The following CNTN5 variants were observed in gnomAD, a reference collection of about 807,000 sequenced individuals.
CNTN5 encodes the protein contactin 5, also known as contactin-5.
Under a neutral mutation model 129.1 loss-of-function variants are expected in CNTN5, and 77 were observed. The observed-to-expected ratio is 0.60, with a 90% CI of 0.50 to 0.72. The LOEUF is 0.72. Ranked by LOEUF, CNTN5 falls within the 30% of genes least tolerant of loss-of-function variation. CNTN5 has a pLI of 0.00. For missense variants in CNTN5, 1,478 were observed against 1,328.8 expected, an observed-to-expected ratio of 1.11 and a Z score of -1.75; for synonymous variants, 509 against 465.6, an observed-to-expected ratio of 1.09 and a Z score of -1.20.
intron 17 of CNTN5, among the ~76,000 whole-genome samples, chr11:100,270,698 A>T (rs1950392517): frequency 2.6e-5 from 4 of 152,212 alleles, no homozygotes. Context: ...TTACCAAGTG[A>T]CTAAACATGT....
chr11:100,215,642 GA>G (rs1195960547), intron 15 of CNTN5, among the ~76,000 whole-genome samples: 6 of 152,030 alleles, frequency 3.9e-5, no homozygotes, highest in African/African-American at 9.7e-5. Context: ...CACTATAATG[GA>G]AACAGGAAAG....
intron 2 of CNTN5, among the ~76,000 whole-genome samples, chr11:99,471,139 G>C (rs1003528267): frequency 8.5e-4 from 102 of 119,518 alleles, no homozygotes; most frequent in African/African-American, 3.3e-3. Flanking sequence ...TATATTTAAA[G>C]TAATGTTGCT....
intron 1 of CNTN5, among the ~76,000 whole-genome samples, chr11:99,152,719 T>C (rs1398331349): frequency 6.6e-6 from 1 of 152,208 alleles, no homozygotes; most frequent in African/African-American, 2.4e-5. Context: ...CAGACTTCAT[T>C]GTGTGGTTGC....
At chr11:99,734,368 C>G (rs945144142) in intron 3 of CNTN5, among the ~76,000 whole-genome samples, 8 of 152,000 alleles carry the variant, frequency 5.3e-5, no homozygotes, top group Non-Finnish European at 8.8e-5. Context: ...ATTAGCAATC[C>G]TATCACTTCA....
chr11:99,570,826 T>C (rs1255238661), intron 3 of CNTN5, among the ~76,000 whole-genome samples: 1 of 152,118 alleles, frequency 6.6e-6, no homozygotes, highest in African/African-American at 2.4e-5. Flanking sequence ...TTATTAAACA[T>C]AGAATGATCA....
chr11:99,424,813 G>A lies in CNTN5; in HGVS notation c.-71+99329G>A, dbSNP rs551988228. ...TGTTTGTGTTACAGCTCTTTCAGTC[G>A]GGCCATTCAATGGGTCCTGAGTTCT... On this transcript the variant is annotated intron_variant, in intron 2 of 24. Transcript: ENST00000524871. Among the ~76,000 whole-genome samples the A allele has an allele frequency of 9.8e-5, 15 of 152,286 alleles. No homozygotes were observed. The South Asian group carries it at 1.0e-3, about 11-fold the overall frequency.
intron 16 of CNTN5, among the ~76,000 whole-genome samples, chr11:100,234,717 G>A (rs1158690653): frequency 2.7e-5 from 4 of 150,240 alleles, no homozygotes; most frequent in African/African-American, 7.4e-5. Context: ...ACAGGTTGAC[G>A]GGTGCAGCAA....
intron 3 of CNTN5, among the ~76,000 whole-genome samples, chr11:99,717,904 A>AGTTGC (rs1473627626): frequency 2.0e-5 from 3 of 152,154 alleles, no homozygotes; most frequent in Admixed American, 6.6e-5. Flanking sequence ...AAGTGATTTA[A>AGTTGC]GTTGCATAGA....
At chr11:100,067,677 C>T (rs953102743) in intron 10 of CNTN5, among the ~76,000 whole-genome samples, 10 of 151,956 alleles carry the variant, frequency 6.6e-5, no homozygotes, top group East Asian at 3.9e-4. Context: ...GGCAGTGTAA[C>T]AGGCCACTTT....
At chr11:99,248,519 A>G (rs1014966086) in intron 1 of CNTN5, among the ~76,000 whole-genome samples, 1 of 152,044 alleles carries the variant, frequency 6.6e-6, no homozygotes, top group African/African-American at 2.4e-5. Flanking sequence ...TTGGTGTTTT[A>G]GACATGAAGT....
chr11:100,175,951 T>C lies in CNTN5; in HGVS notation c.1581-15175T>C, dbSNP rs143723131. Reference sequence around the variant, plus strand: ...AAAATAATAAAATGTACTTATATCCTATAAAAAGGTGCTTTTTGCTAGAAA... The same window carrying C: ...AAAATAATAAAATGTACTTATATCCCATAAAAAGGTGCTTTTTGCTAGAAA... On this transcript the variant is annotated intron_variant, in intron 13 of 24. Transcript: ENST00000524871. Among the ~76,000 whole-genome samples the C allele has an allele frequency of 6.2e-4, 94 of 152,226 alleles. 1 individual carries two copies. In the East Asian group the frequency reaches 0.015, roughly 25 times the overall value.
chr11:100,023,447 G>C (rs1013770375), intron 9 of CNTN5, among the ~76,000 whole-genome samples: 1 of 152,134 alleles, frequency 6.6e-6, no homozygotes, highest in South Asian at 2.1e-4. Context: ...AGTCTCCTCT[G>C]TTATCATCAT....
chr11:99,625,355 C>G (rs1951090461), intron 3 of CNTN5, among the ~76,000 whole-genome samples: 1 of 152,128 alleles, frequency 6.6e-6, no homozygotes, highest in Admixed American at 6.6e-5. Context: ...GATAAAAAAA[C>G]ACATTATTTG....
chr11:100,282,872 C>A (rs571686635), intron 18 of CNTN5, among the ~76,000 whole-genome samples: 1 of 152,352 alleles, frequency 6.6e-6, no homozygotes, highest in African/African-American at 2.4e-5. Context: ...ACTGCCACCA[C>A]AAGCCCACAG....
At chr11:100,177,187 C>T (rs1473910198) in intron 13 of CNTN5, among the ~76,000 whole-genome samples, 1 of 152,048 alleles carries the variant, frequency 6.6e-6, no homozygotes, top group Non-Finnish European at 1.5e-5. Context: ...ATCCATGGAT[C>T]ATTTTACCTA....
chr11:99,642,180 G>A (rs1387054073), intron 3 of CNTN5, among the ~76,000 whole-genome samples: 1 of 152,102 alleles, frequency 6.6e-6, no homozygotes, highest in East Asian at 1.9e-4. Flanking sequence ...CATTTGATGT[G>A]TTATGTAATA....
At chr11:99,195,563 T>C (rs1029035697) in intron 1 of CNTN5, among the ~76,000 whole-genome samples, 3 of 152,072 alleles carry the variant, frequency 2.0e-5, no homozygotes, top group Non-Finnish European at 4.4e-5. Flanking sequence ...TTTCCTGATA[T>C]CTAGTAAGGG....
At position 99,819,761 on chromosome 11, in the gene CNTN5, A is replaced by G. The variant is rs771152556; in HGVS notation, c.273A>G (p.Gln91=). Residue 91 remains glutamine (Q), a synonymous_variant, in exon 4 of 25, where the codon CAA becomes CAG. Coordinates refer to ENST00000524871, the MANE Select transcript of CNTN5 (RefSeq NM_014361.4). ...NLYHSSDAFK[Q]DESVDYGPVF... ...ATCATTCCTCAGATGCCTTCAAACA[A>G]GATGGTAAGTGTCAAAGGAAAATGG... The G allele has an allele frequency of 5.7e-6, 9 of 1,565,884 alleles. No homozygotes were observed. The highest frequency in any genetic ancestry group is 1.4e-5 in the African/African-American group (1 of 73,804).
At chr11:99,166,397 CAA>C (rs57810491) in intron 1 of CNTN5, among the ~76,000 whole-genome samples, 74 of 82,876 alleles carry the variant, frequency 8.9e-4, no homozygotes, top group East Asian at 8.0e-3. Flanking sequence ...AAGACTCTGT[CAA>C]AAAAAAAAAA....
Sources: gnomAD v4.1 joint callset for allele counts (sites outside exome capture counted in the v4.1 genomes callset) on GRCh38, gnomAD v4.1.1 for gene constraint, MANE v1.5 for transcripts, NCBI Gene and HGNC (gene_info 2026-07-23, HGNC 2026-07-21) for gene names.